The following TMPRSS6 variants were observed in gnomAD, a reference collection of about 807,000 sequenced individuals.
TMPRSS6 encodes the protein transmembrane serine protease 6.
TMPRSS6 carries 67 observed loss-of-function variants against 101.5 expected under a neutral mutation model. The observed-to-expected ratio is 0.66, with a 90% confidence interval of 0.54 to 0.81. The LOEUF (loss-of-function observed/expected upper bound fraction) is 0.81, where lower values mean the gene tolerates loss of function less well. Ranked by LOEUF, TMPRSS6 falls within the 30% of genes least tolerant of loss-of-function variation. The probability of loss-of-function intolerance (pLI) is 0.00; values close to 1 mark genes in which losing one functional copy is unlikely to be tolerated. For missense variants in TMPRSS6, 1,034 were observed against 1,088.7 expected (o/e 0.95, Z 0.71); for synonymous variants, 453 against 464.9 (o/e 0.97, Z 0.33).
chr22:37,072,203 GGATGGATGGAT>G (rs1285676335), intron 13 of TMPRSS6, among the ~76,000 whole-genome samples: 5 of 144,376 alleles, frequency 3.5e-5, no homozygotes, highest in African/African-American at 7.9e-5. Context: ...ATGGATGAAT[GGATGGATGGAT>G]GATGGATGGA....
intron 13 of TMPRSS6, 137 bp downstream of exon 13, chr22:37,073,387 GATGGATGA>G (rs1338252483): frequency 1.5e-4 from 93 of 617,008 alleles, no homozygotes; most frequent in African/African-American, 1.2e-3. Context: ...TGGATGGATG[GATGGATGA>G]ATGGACAGAC....
In TMPRSS6 at chr22:37,089,758, C is replaced by T. The variant is rs754848810; in HGVS notation, c.656G>A (p.Gly219Asp). 26 of 1,612,188 alleles carry T rather than the reference C, an allele frequency of 1.6e-5. No homozygotes were observed. Among genetic ancestry groups the T allele is most frequent in the Non-Finnish European group, 1.9e-5 (23 of 1,179,658 alleles). ...TLGCYRYSYV[G>D]QGQVLRLKGP... is the part of the protein sequence containing the mutation. ...CTTCAGCCGGAGGACCTGGCCCTGG[C>T]CCACGTAGCTGTAGCGGTAACAACC... is the stretch of plus-strand genomic sequence containing the variant. Residue 219 changes from glycine to aspartate, a missense_variant, in exon 7 of 18, where the codon GGC becomes GAC. Gly to Asp is a moderately conservative substitution (Grantham distance 94). Coordinates refer to ENST00000676104, the MANE Select transcript of TMPRSS6 (RefSeq NM_001374504.1).
Position 37,103,366 on chromosome 22 carries a change from C to G in TMPRSS6, c.52G>C (p.Asp18His). 6.2e-7 allele frequency: 1 copy of G among 1,614,226 alleles called. No homozygotes were observed. Among genetic ancestry groups the G allele is most frequent in the Middle Eastern group, 1.6e-4 (1 of 6,062 alleles). Residue 18 changes from aspartate (D) to histidine (H), a missense_variant, in exon 2 of 18, where the codon GAT becomes CAT. Asp to His is a moderately conservative substitution (Grantham distance 81). Coordinates refer to ENST00000676104, the MANE Select transcript of TMPRSS6 (RefSeq NM_001374504.1). The surrounding 1 kb of genome is among the most constrained non-coding windows in gnomAD (Gnocchi z 4.4). The part of the protein sequence containing the change: ...QVAGGQGDGG[D>H]GEEAEPEGMF... ...CCCTCCGGCTCCGCTTCCTCGCCATCACCTCCGTCCCCCTGCCCGCCAGCC... is the reference window on the plus strand; with the variant it reads ...CCCTCCGGCTCCGCTTCCTCGCCATGACCTCCGTCCCCCTGCCCGCCAGCC...
Position 37,089,718 on chromosome 22 carries a change from C to T in TMPRSS6, c.696G>A (p.Leu232=). The T allele has an allele frequency of 6.2e-7, 1 of 1,612,104 alleles. No homozygotes were observed. Residue 232 remains leucine (L), a synonymous_variant, in exon 7 of 18, where the codon CTG becomes CTA. Transcript: ENST00000676104. ...GCAGGTGCCACAGGCAGCTGGAGGC[C>T]AGGTGGTCAGGCCCCTTCAGCCGGA... is the stretch of plus-strand genomic sequence containing the variant. The part of the protein sequence containing the change: ...QVLRLKGPDH[L]ASSCLWHLQG...
intron 1 of TMPRSS6, among the ~76,000 whole-genome samples, chr22:37,108,890 TG>T (rs145539435): frequency 6.6e-6 from 1 of 152,054 alleles, no homozygotes; most frequent in Non-Finnish European, 1.5e-5. Context: ...GGGGACTGGG[TG>T]GGGGTCCCTT....
intron 2 of TMPRSS6, among the ~76,000 whole-genome samples, chr22:37,099,763 T>C (rs1930136489): frequency 6.6e-6 from 1 of 151,382 alleles, no homozygotes; most frequent in African/African-American, 2.4e-5. Context: ...TGTACATCTG[T>C]GGAAAGAATG....
intron 7 of TMPRSS6, among the ~76,000 whole-genome samples, chr22:37,088,004 A>T (rs974050788): frequency 7.2e-5 from 11 of 151,928 alleles, no homozygotes; most frequent in African/African-American, 2.4e-4. Flanking sequence ...ATGTTGTCTG[A>T]CCTGTCATTT....
intron 6 of TMPRSS6, among the ~76,000 whole-genome samples, chr22:37,093,469 C>A (rs1406566607): frequency 7.3e-6 from 1 of 137,340 alleles, no homozygotes; most frequent in Non-Finnish European, 1.5e-5. Flanking sequence ...ACCTCACAAT[C>A]TCAGCTCACT....
intron 16 of TMPRSS6, 132 bp downstream of exon 16, chr22:37,068,941 T>G: frequency 2.1e-6 from 3 of 1,431,594 alleles, no homozygotes; most frequent in Non-Finnish European, 2.8e-6. Context: ...CAGCCCAATT[T>G]GAATCCCAGC....
Position 37,069,421 on chromosome 22 carries a change from C to A in TMPRSS6, c.1842-77G>T. ...CTGCCTCTCCCCATCCAGGGACCCT[C>A]AAGATAGCCAGATCCCCGCCCGGGA... On this transcript the variant is annotated intron_variant, in intron 15 of 17. Transcript: ENST00000676104. The surrounding 1 kb of genome is among the most constrained non-coding windows in gnomAD (Gnocchi z 4.8). 5 of 1,385,796 alleles carry A rather than the reference C, an allele frequency of 3.6e-6. No individual in the cohort carries two copies. Among genetic ancestry groups the A allele is most frequent in the Non-Finnish European group, 4.9e-6 (5 of 1,023,788 alleles). The allele number at this position is 1,385,796 out of a possible 1,614,324, so 85.8% of individuals were successfully genotyped here. A position where few individuals can be genotyped will look rare whatever the true frequency, so the allele number is the denominator to read the frequency against.
Position 37,095,597 on chromosome 22 carries a change from T to C in TMPRSS6, c.590-5A>G. On this transcript the variant is annotated splice_polypyrimidine_tract_variant and splice_region_variant and intron_variant, in intron 5 of 17. Coordinates refer to ENST00000676104, the MANE Select transcript of TMPRSS6 (RefSeq NM_001374504.1). ...CTATGTCTTTCACACTGGCTTCTGA[T>C]AAAAGGAAATGAACAAACAAATAAA... 6.8e-7 allele frequency: 1 copy of C among 1,471,942 alleles called. No homozygotes were observed. The highest frequency in any genetic ancestry group is 9.0e-7 in the Non-Finnish European group (1 of 1,111,286). 91.2% of individuals were successfully genotyped at this position (1,471,942 alleles called of 1,614,324 possible). A position where few individuals can be genotyped will look rare whatever the true frequency, so the allele number is the denominator to read the frequency against.
chr22:37,070,689 G>A, intron 14 of TMPRSS6, 37 bp from the exon 15 acceptor site: 1 of 1,598,468 alleles, frequency 6.3e-7, no homozygotes, highest in Non-Finnish European at 8.6e-7. Context: ...GGACAGAGGA[G>A]GAGGGGAAGG....
intron 12 of TMPRSS6, 36 bp from the exon 13 acceptor site, chr22:37,073,681 AAGCCAGAGG>A: frequency 2.7e-6 from 4 of 1,480,576 alleles, no homozygotes; most frequent in Non-Finnish European, 3.8e-6. Context: ...AGGTGGGAGG[AAGCCAGAGG>A]AGCCAGCCGG....
chr22:37,066,022 G>GGGGCAA lies in TMPRSS6; in HGVS notation c.*57_*58insTTGCCC. ...AGAATACTTGTCCCCCTGCTTGGCA[G>GGGGCAA]TTGCCCTGGGCTCTCTGAGTCCAGG... is the stretch of plus-strand genomic sequence containing the variant. On this transcript the variant is annotated 3_prime_UTR_variant, in exon 18 of 18. Transcript: ENST00000676104. The GGGGCAA allele has an allele frequency of 1.2e-6, 2 of 1,609,622 alleles. No homozygotes were observed. Among genetic ancestry groups the GGGGCAA allele is most frequent in the Non-Finnish European group, 1.7e-6 (2 of 1,177,416 alleles).
At position 37,096,037 on chromosome 22, in the gene TMPRSS6, C is replaced by A. The variant is rs530245912; in HGVS notation, c.458G>T (p.Arg153Leu). The A allele has an allele frequency of 5.0e-6, 8 of 1,614,186 alleles. No homozygotes were observed. The highest frequency in any genetic ancestry group is 6.8e-6 in the Non-Finnish European group (8 of 1,180,030). ...CACCTCGGGGCTCAGCATCAGCCGG[C>A]GGTGCTCGGGGATTTGGAGAATGAA... ...FWFILQIPEH[R>L]RLMLSPEVVQ... Residue 153 changes from arginine (R) to leucine (L), a missense_variant, in exon 5 of 18, where the codon CGC becomes CTC. Transcript: ENST00000676104.
Position 37,066,240 on chromosome 22 carries a change from T to G in TMPRSS6, c.2251-2A>C. The stretch of plus-strand genomic sequence containing the variant: ...CACCAGCGGACCACCTGAGTCACCC[T>G]GAAAGGGGGAAAGGAGAAAGGACTG... On this transcript the variant is annotated splice_acceptor_variant, in intron 17 of 17. Coordinates refer to ENST00000676104, the MANE Select transcript of TMPRSS6 (RefSeq NM_001374504.1). LOFTEE classifies it high-confidence loss of function. 1 of 1,609,046 alleles carries G rather than the reference T, an allele frequency of 6.2e-7. No individual in the cohort carries two copies. Among genetic ancestry groups the G allele is most frequent in the Non-Finnish European group, 8.5e-7 (1 of 1,177,632 alleles).
At chr22:37,084,025 T>A in intron 10 of TMPRSS6, 1 of 569,426 alleles carries the variant, frequency 1.8e-6, no homozygotes, top group Non-Finnish European at 3.2e-6. Flanking sequence ...AATTTTGCTG[T>A]AATTAGAATA....
At chr22:37,105,631 G>A (rs1453330340) in intron 1 of TMPRSS6, among the ~76,000 whole-genome samples, 1 of 152,134 alleles carries the variant, frequency 6.6e-6, no homozygotes, top group Non-Finnish European at 1.5e-5. Flanking sequence ...TCAGTCCCTC[G>A]TCCCCTCCCT....
intron 7 of TMPRSS6, among the ~76,000 whole-genome samples, chr22:37,086,631 G>T (rs545804567): frequency 2.6e-5 from 4 of 152,238 alleles, no homozygotes; most frequent in Non-Finnish European, 5.9e-5. Flanking sequence ...CAAGGACCAG[G>T]CTAGCTCCTC....
Sources: allele counts gnomAD v4.1 joint callset (sites outside exome capture counted in the v4.1 genomes callset), GRCh38; gene constraint gnomAD v4.1.1; non-coding constraint Gnocchi (gnomAD v3.1); transcripts MANE v1.5; gene names NCBI Gene and HGNC (gene_info 2026-07-23, HGNC 2026-07-21).